Variants in PKP2 observed in about 807,000 individuals in gnomAD.
PKP2 encodes the protein plakophilin-2.
In PKP2, 73 loss-of-function variants were observed where a neutral mutation model predicts 83.4. The observed-to-expected ratio is 0.88, with a 90% CI of 0.72 to 1.06. The LOEUF (loss-of-function observed/expected upper bound fraction) is 1.06, where lower values mean the gene tolerates loss of function less well. PKP2 is among the 50% of genes least tolerant of loss of function. The pLI is 0.00. For synonymous variants in PKP2, 409 were observed against 430.4 expected (o/e 0.95, Z 0.62); for missense variants, 966 against 1,065.4 (o/e 0.91, Z 1.30).
rs970601341 is a variant in PKP2 at position 32,851,109 on chromosome 12, G to A, written c.1171-136C>T. On this transcript the variant is annotated intron_variant, in intron 4 of 12. Coordinates refer to ENST00000340811, the MANE Select transcript of PKP2 (RefSeq NM_001005242.3). ...ATCAACAACTATGTGTAGCACAACT[G>A]AGGCTCTTGTAGAATATACCCCGGC... 9.5e-6 allele frequency: 7 copies of A among 736,332 alleles called. No individual in the cohort carries two copies. In the African/African-American group the frequency reaches 1.2e-4, roughly 13 times the overall value. The allele number at this position is 736,332 out of a possible 1,614,324, so 45.6% of individuals were successfully genotyped here.
intron 1 of PKP2, among the ~76,000 whole-genome samples, chr12:32,882,186 G>A (rs1295124856): frequency 1.3e-5 from 2 of 152,040 alleles, no homozygotes; most frequent in Non-Finnish European, 2.9e-5. Context: ...ATTAGTTTAG[G>A]GCTATCCATG....
intron 3 of PKP2, among the ~76,000 whole-genome samples, chr12:32,876,317 A>G (rs1428717846): frequency 2.0e-5 from 3 of 152,184 alleles, no homozygotes; most frequent in Admixed American, 6.5e-5. Flanking sequence ...GGGAAGTGAC[A>G]GGGTGGTTCA....
intron 1 of PKP2, among the ~76,000 whole-genome samples, chr12:32,883,379 T>G (rs1041159546): frequency 2.0e-5 from 3 of 152,230 alleles, no homozygotes; most frequent in African/African-American, 7.2e-5. Flanking sequence ...TTAAAGAAAT[T>G]TTGGACTGAG....
intron 9 of PKP2, among the ~76,000 whole-genome samples, chr12:32,808,561 G>C (rs2137740549): frequency 6.6e-6 from 1 of 152,244 alleles, no homozygotes; most frequent in Admixed American, 6.5e-5. Context: ...GCAGTTCCGA[G>C]GCCTTGCTGG....
At chr12:32,815,240 AC>A (rs2137756663) in intron 9 of PKP2, among the ~76,000 whole-genome samples, 1 of 152,240 alleles carries the variant, frequency 6.6e-6, no homozygotes, top group South Asian at 2.1e-4. Flanking sequence ...TCAGATTTAA[AC>A]CCTTTCATGA....
chr12:32,849,990 T>G (rs1956682051), intron 5 of PKP2, among the ~76,000 whole-genome samples: 2 of 152,346 alleles, frequency 1.3e-5, no homozygotes, highest in Admixed American at 1.3e-4. Context: ...AGCTGGTTGT[T>G]GAGTAAATAA....
Position 32,896,745 on chromosome 12 carries a change from GCGA to G in PKP2, c.-17_-15del, listed in dbSNP as rs1957129738. On this transcript the variant is annotated 5_prime_UTR_variant, in exon 1 of 13. Transcript: ENST00000340811. The stretch of plus-strand genomic sequence containing the variant: ...GGGGGCTGCCATGGGGCCGGTGGGG[GCGA>G]CCGAGCTGCTCGCCTGCCTCTGGAC... 1 of 1,359,978 alleles carries G rather than the reference GCGA, an allele frequency of 7.4e-7. No homozygotes were observed. Among genetic ancestry groups the G allele is most frequent in the African/African-American group, 1.5e-5 (1 of 66,436 alleles). The allele number at this position is 1,359,978 out of a possible 1,614,324, so 84.2% of individuals were successfully genotyped here.
chr12:32,836,761 T>G (rs980187914), intron 6 of PKP2, among the ~76,000 whole-genome samples: 1 of 152,222 alleles, frequency 6.6e-6, no homozygotes, highest in Non-Finnish European at 1.5e-5. Flanking sequence ...TAGCTAAGAT[T>G]AACTCTTACT....
At chr12:32,867,738 C>T (rs1956861697) in intron 4 of PKP2, among the ~76,000 whole-genome samples, 1 of 152,126 alleles carries the variant, frequency 6.6e-6, no homozygotes, top group African/African-American at 2.4e-5. Flanking sequence ...TATAAAATAT[C>T]TCTGGAAAGA....
intron 6 of PKP2, among the ~76,000 whole-genome samples, chr12:32,831,323 T>A (rs988337588): frequency 7.2e-5 from 11 of 152,326 alleles, no homozygotes; most frequent in African/African-American, 2.6e-4. Context: ...TCACTTTTTA[T>A]AATAATGAAT....
intron 6 of PKP2, among the ~76,000 whole-genome samples, chr12:32,835,061 T>C (rs1315153632): frequency 1.5e-3 from 230 of 151,372 alleles, no homozygotes; most frequent in Middle Eastern, 3.4e-3. Flanking sequence ...TTTTTTTTTT[T>C]CTTTTTTTTT....
chr12:32,859,263 G>A (rs7963225), intron 4 of PKP2, among the ~76,000 whole-genome samples: 26,746 of 152,068 alleles, frequency 0.18, 2,516 homozygotes, highest in Middle Eastern at 0.24. Context: ...AATTAGTGAT[G>A]GATAGAATTA....
chr12:32,796,758 C>G lies in PKP2; in HGVS notation c.2168-460G>C, dbSNP rs188440248. 1.8e-3 allele frequency among the ~76,000 whole-genome samples: 275 copies of G among 152,154 alleles called. 1 individual carries two copies. The highest frequency in any genetic ancestry group is 6.4e-3 in the African/African-American group (264 of 41,504). Reference sequence around the variant, plus strand: ...CAACACATGGAAAGATGTAATTTCCCTAATAACAAATTTTTAAAAATATTT... The same window carrying G: ...CAACACATGGAAAGATGTAATTTCCGTAATAACAAATTTTTAAAAATATTT... On this transcript the variant is annotated intron_variant, in intron 10 of 12. Coordinates refer to ENST00000340811, the MANE Select transcript of PKP2 (RefSeq NM_001005242.3).
intron 7 of PKP2, 88 bp downstream of exon 7, chr12:32,823,957 G>A (rs1592738525): frequency 2.4e-6 from 2 of 838,098 alleles, no homozygotes; most frequent in South Asian, 1.3e-5. Flanking sequence ...AAATGAATCA[G>A]TGAATAAACC....
intron 9 of PKP2, among the ~76,000 whole-genome samples, chr12:32,804,528 A>G (rs1397282169): frequency 6.6e-6 from 1 of 152,014 alleles, no homozygotes; most frequent in African/African-American, 2.4e-5. Context: ...TTCAGCTCCC[A>G]CTTATAAGTG....
At chr12:32,795,708 T>A (rs1308495970) in intron 11 of PKP2, among the ~76,000 whole-genome samples, 1 of 152,162 alleles carries the variant, frequency 6.6e-6, no homozygotes, top group African/African-American at 2.4e-5. Flanking sequence ...AACCACCTGG[T>A]GTGACATCCC....
At chr12:32,815,427 C>T (rs1399702412) in intron 9 of PKP2, among the ~76,000 whole-genome samples, 1 of 152,158 alleles carries the variant, frequency 6.6e-6, no homozygotes, top group African/African-American at 2.4e-5. Context: ...CTTGAAAGAA[C>T]ATATCTTATC....
chr12:32,833,325 G>C (rs1050080937), intron 6 of PKP2, among the ~76,000 whole-genome samples: 5 of 152,162 alleles, frequency 3.3e-5, no homozygotes, highest in African/African-American at 1.2e-4. Context: ...AATTTCTAAA[G>C]TTTGGTACCA....
intron 4 of PKP2, among the ~76,000 whole-genome samples, chr12:32,852,826 G>A (rs781563082): frequency 3.3e-5 from 5 of 152,182 alleles, no homozygotes; most frequent in Non-Finnish European, 1.5e-5. Context: ...GCTTATGCCT[G>A]TAATCCCAGC....
Sources: allele counts gnomAD v4.1 joint callset (sites outside exome capture counted in the v4.1 genomes callset), GRCh38; gene constraint gnomAD v4.1.1; transcripts MANE v1.5; gene names NCBI Gene and HGNC (gene_info 2026-07-23, HGNC 2026-07-21).